The following LOC122539214 variants were observed in gnomAD, a reference collection of about 807,000 sequenced individuals.
At chr19:52,685,158 C>T in the LOC122539214 span, among the ~76,000 whole-genome samples, 2 of 152,202 alleles carry the variant, frequency 1.3e-5, no homozygotes, top group Non-Finnish European at 1.5e-5. Context: ...CACACCCAGA[C>T]ACCCACTCTA....
the LOC122539214 span, among the ~76,000 whole-genome samples, chr19:52,690,096 G>C: frequency 6.6e-6 from 1 of 152,056 alleles, no homozygotes; most frequent in African/African-American, 2.4e-5. Flanking sequence ...CAAGGGCAAG[G>C]CTGGGAGGTG....
At chr19:52,687,622 A>ATC in the LOC122539214 span, among the ~76,000 whole-genome samples, 1 of 23,862 alleles carries the variant, frequency 4.2e-5, no homozygotes, top group Non-Finnish European at 7.3e-5. Context: ...ATGTGTATAT[A>ATC]TATATATAAT....
the LOC122539214 span, chr19:52,654,772 TCCTC>T: frequency 6.4e-6 from 1 of 155,920 alleles, no homozygotes; most frequent in Non-Finnish European, 1.4e-5. Flanking sequence ...CTGAATGATG[TCCTC>T]CCTAAGAGGA....
At chr19:52,675,098 G>T in the LOC122539214 span, among the ~76,000 whole-genome samples, 2 of 152,288 alleles carry the variant, frequency 1.3e-5, no homozygotes, top group African/African-American at 4.8e-5. Flanking sequence ...GTCACTGAAG[G>T]CTGACAAATC....
the LOC122539214 span, among the ~76,000 whole-genome samples, chr19:52,676,104 CT>C: frequency 4.9e-4 from 74 of 152,278 alleles, no homozygotes; most frequent in African/African-American, 1.7e-3. Context: ...CCTCAGCCTG[CT>C]GAGTGCCTGC....
the LOC122539214 span, among the ~76,000 whole-genome samples, chr19:52,654,598 T>C: frequency 2.6e-5 from 4 of 152,162 alleles, no homozygotes; most frequent in Non-Finnish European, 5.9e-5. Context: ...ATGCCTGTAA[T>C]CCCAGCTACT....
At chr19:52,678,468 A>G in the LOC122539214 span, among the ~76,000 whole-genome samples, 8 of 151,482 alleles carry the variant, frequency 5.3e-5, no homozygotes, top group Non-Finnish European at 1.2e-4. Flanking sequence ...AAAAAAAGAA[A>G]AAAGAAAAAA....
At chr19:52,674,015 C>CAAAAA in the LOC122539214 span, among the ~76,000 whole-genome samples, 480 of 72,938 alleles carry the variant, frequency 6.6e-3, 4 homozygotes, top group African/African-American at 8.2e-3. Flanking sequence ...GACTCCATCT[C>CAAAAA]AAAAAAAAAA....
the LOC122539214 span, among the ~76,000 whole-genome samples, chr19:52,689,859 A>G: frequency 1.3e-4 from 20 of 152,342 alleles, no homozygotes; most frequent in Admixed American, 2.0e-4. Flanking sequence ...TGGGCAGGCA[A>G]GAACACCCCG....
At chr19:52,683,528 A>ACCCTCACTCTT in the LOC122539214 span, among the ~76,000 whole-genome samples, 1 of 82,690 alleles carries the variant, frequency 1.2e-5, no homozygotes, top group Admixed American at 1.1e-4. Flanking sequence ...ATCCAAAGGG[A>ACCCTCACTCTT]AGGGCAAAGT....
chr19:52,690,163 A>G, the LOC122539214 span, among the ~76,000 whole-genome samples: 2 of 136,770 alleles, frequency 1.5e-5, no homozygotes, highest in African/African-American at 5.6e-5. Context: ...GGGCGGGAGG[A>G]GTCTGAAAAT....
At chr19:52,658,917 T>A in the LOC122539214 span, among the ~76,000 whole-genome samples, 1 of 152,168 alleles carries the variant, frequency 6.6e-6, no homozygotes, top group Non-Finnish European at 1.5e-5. Context: ...CTCAAGTGTG[T>A]TTACTCAAAC....
chr19:52,659,550 G>A, the LOC122539214 span, among the ~76,000 whole-genome samples: 2 of 146,306 alleles, frequency 1.4e-5, no homozygotes, highest in African/African-American at 5.1e-5. Context: ...GGGTTGACAT[G>A]CAGATCCCAC....
At chr19:52,690,027 T>C in the LOC122539214 span, among the ~76,000 whole-genome samples, 31 of 152,016 alleles carry the variant, frequency 2.0e-4, no homozygotes, top group African/African-American at 3.9e-4. Context: ...ATCCCAGGAC[T>C]AGGCAGAGGA....
the LOC122539214 span, among the ~76,000 whole-genome samples, chr19:52,672,207 C>T: frequency 6.6e-6 from 1 of 152,004 alleles, no homozygotes; most frequent in African/African-American, 2.4e-5. Flanking sequence ...GCTCTCCAGC[C>T]TGAGCAAAAG....
the LOC122539214 span, among the ~76,000 whole-genome samples, chr19:52,665,569 T>C: frequency 5.9e-5 from 9 of 152,212 alleles, no homozygotes; most frequent in Non-Finnish European, 1.0e-4. Flanking sequence ...TTATTTGCCT[T>C]CTACTTTTAA....
chr19:52,689,007 GCTT>G, the LOC122539214 span, among the ~76,000 whole-genome samples: 2 of 149,872 alleles, frequency 1.3e-5, no homozygotes, highest in South Asian at 4.2e-4. Flanking sequence ...CTTTTTCCAG[GCTT>G]CTTAAGCATT....
chr19:52,652,597 A>C, the LOC122539214 span: 2 of 435,684 alleles, frequency 4.6e-6, no homozygotes, highest in Non-Finnish European at 9.2e-6. Context: ...ATGAACTGCA[A>C]GCTATGAACA....
the LOC122539214 span, among the ~76,000 whole-genome samples, chr19:52,680,163 G>A: frequency 5.9e-5 from 9 of 152,246 alleles, no homozygotes; most frequent in East Asian, 3.9e-4. Flanking sequence ...TGGACAACAA[G>A]AGGGAAACTG....
Sources: gnomAD v4.1 joint callset for allele counts (sites outside exome capture counted in the v4.1 genomes callset) on GRCh38, gnomAD v4.1.1 for gene constraint, MANE v1.5 for transcripts.